Variants in CTNNA1 observed in about 807,000 individuals in gnomAD.
CTNNA1 encodes catenin alpha 1.
CTNNA1 carries 37 observed loss-of-function variants against 98.4 expected under a neutral mutation model. The observed-to-expected ratio is 0.38, with a 90% CI of 0.29 to 0.49. The LOEUF (loss-of-function observed/expected upper bound fraction) is 0.49. Ranked by LOEUF, CTNNA1 falls within the 20% of genes least tolerant of loss-of-function variation. The pLI is 0.95. For missense variants in CTNNA1, 761 were observed against 1,147.2 expected, an observed-to-expected ratio of 0.66 and a Z score of 4.86; for synonymous variants, 404 against 413.2, an observed-to-expected ratio of 0.98 and a Z score of 0.27.
chr5:138,769,940 G>A (rs755484930), intron 1 of CTNNA1, among the ~76,000 whole-genome samples: 1 of 151,940 alleles, frequency 6.6e-6, no homozygotes, highest in Non-Finnish European at 1.5e-5. Flanking sequence ...TCTGCTTCTT[G>A]GGTTCAAGCG....
At chr5:138,828,428 A>G (rs115745163) in intron 7 of CTNNA1, among the ~76,000 whole-genome samples, 1,778 of 152,066 alleles carry the variant, frequency 0.012, 29 homozygotes, top group African/African-American at 0.041. Flanking sequence ...CTGTTGCCAT[A>G]TGTCTTTCTT....
At chr5:138,906,967 C>T (rs1388288570) in intron 10 of CTNNA1, among the ~76,000 whole-genome samples, 1 of 152,146 alleles carries the variant, frequency 6.6e-6, no homozygotes, top group Non-Finnish European at 1.5e-5. Flanking sequence ...TTTGACTTCA[C>T]CCCAGCCCCG....
chr5:138,831,917 AATAGTGTG>A lies in CTNNA1; in HGVS notation c.1062+4200_1062+4207del, dbSNP rs1761311017. 2.0e-5 allele frequency among the ~76,000 whole-genome samples: 3 copies of A among 152,320 alleles called. No homozygotes were observed. The South Asian group carries it at 6.2e-4, about 32-fold the overall frequency. On this transcript the variant is annotated intron_variant, in intron 7 of 17. Coordinates refer to ENST00000302763, the MANE Select transcript of CTNNA1 (RefSeq NM_001903.5). ...TGGATTTTCATGGTGCTAAGGAGGT[AATAGTGTG>A]GTGGAAAAAACCAAAGACCTTTACC... is the stretch of plus-strand genomic sequence containing the variant.
At chr5:138,809,441 G>T (rs1758444698) in intron 3 of CTNNA1, among the ~76,000 whole-genome samples, 1 of 152,028 alleles carries the variant, frequency 6.6e-6, no homozygotes, top group Non-Finnish European at 1.5e-5. Context: ...TTTCATAATA[G>T]TCAATTGTAG....
At chr5:138,897,937 C>T (rs1278572960) in intron 9 of CTNNA1, among the ~76,000 whole-genome samples, 1 of 152,198 alleles carries the variant, frequency 6.6e-6, no homozygotes, top group Non-Finnish European at 1.5e-5. Flanking sequence ...CTCTGCCCAA[C>T]CTTTGCTCTG....
chr5:138,880,139 AAATAACAG>A (rs1186377873), intron 7 of CTNNA1: 1 of 152,218 alleles, frequency 6.6e-6, no homozygotes, highest in Non-Finnish European at 1.5e-5. Context: ...ATCAAAACAA[AAATAACAG>A]ACTCTATCTT....
At chr5:138,788,268 G>A (rs1471398949) in intron 3 of CTNNA1, among the ~76,000 whole-genome samples, 2 of 152,084 alleles carry the variant, frequency 1.3e-5, no homozygotes, top group Non-Finnish European at 2.9e-5. Flanking sequence ...TACCTGGTCC[G>A]TGATAGGCAC....
At chr5:138,818,950 A>G (rs1410991062) in intron 5 of CTNNA1, among the ~76,000 whole-genome samples, 1 of 151,976 alleles carries the variant, frequency 6.6e-6, no homozygotes, top group Non-Finnish European at 1.5e-5. Context: ...GCAGAGTTGG[A>G]TGTCAGTTGC....
Position 138,783,331 on chromosome 5 carries a change from A to G in CTNNA1, c.260A>G (p.Lys87Arg). The change falls in exon 3 of 18, where the codon AAG becomes AGG. Residue 87 changes from lysine (K) to arginine (R), a missense_variant. Transcript: ENST00000302763. The part of the protein sequence containing the change: ...DKIAKESQFL[K>R]EELVAAVEDV... ...ATTGCGAAGGAGAGCCAGTTTCTCA[A>G]GGAGGAGCTTGTGGCTGCTGTAGAA... The G allele has an allele frequency of 6.2e-7, 1 of 1,614,098 alleles. No homozygotes were observed.
At chr5:138,828,761 T>C (rs570330887) in intron 7 of CTNNA1, among the ~76,000 whole-genome samples, 2 of 152,226 alleles carry the variant, frequency 1.3e-5, no homozygotes, top group Non-Finnish European at 2.9e-5. Flanking sequence ...AGGGTGAAGA[T>C]GAATGCCTTC....
At chr5:138,818,015 T>TGCGCCCCC (rs1247593596) in intron 5 of CTNNA1, among the ~76,000 whole-genome samples, 1 of 152,008 alleles carries the variant, frequency 6.6e-6, no homozygotes, top group Non-Finnish European at 1.5e-5. Context: ...GCCCCGTCCC[T>TGCGCCCCC]GCGCCCCCGC....
At chr5:138,764,297 C>T (rs1312827064) in intron 1 of CTNNA1, among the ~76,000 whole-genome samples, 5 of 150,594 alleles carry the variant, frequency 3.3e-5, no homozygotes, top group Admixed American at 2.6e-4. Flanking sequence ...ACCTGGAAGG[C>T]GGAGGTTGCA....
intron 1 of CTNNA1, among the ~76,000 whole-genome samples, chr5:138,780,862 A>T (rs569475002): frequency 2.6e-5 from 4 of 152,286 alleles, no homozygotes; most frequent in African/African-American, 9.6e-5. Flanking sequence ...TAGAAAGTTT[A>T]TATTAGTGTT....
At chr5:138,927,577 G>GGT (rs1261268974) in intron 13 of CTNNA1, among the ~76,000 whole-genome samples, 1 of 149,902 alleles carries the variant, frequency 6.7e-6, no homozygotes, top group East Asian at 2.0e-4. Context: ...TCATAGCACT[G>GGT]GTCACTTTTG....
In CTNNA1 at chr5:138,928,790, C is replaced by T. The variant is rs145146065; in HGVS notation, c.1900-456C>T. 3.5e-3 allele frequency among the ~76,000 whole-genome samples: 535 copies of T among 152,214 alleles called. 2 individuals are homozygous for T. Among genetic ancestry groups the T allele is most frequent in the African/African-American group, 0.011 (457 of 41,524 alleles). On this transcript the variant is annotated intron_variant, in intron 13 of 17. Transcript: ENST00000302763. ...CTCTACTAAAAATACAAAAATTAGC[C>T]GGGCATGGTGGCATGTTGCCTCTAA...
chr5:138,925,298 C>A lies in CTNNA1; in HGVS notation c.1790C>A (p.Ala597Asp). 1 of 1,614,100 alleles carries A rather than the reference C, an allele frequency of 6.2e-7. No homozygotes were observed. The highest frequency in any genetic ancestry group is 8.5e-7 in the Non-Finnish European group (1 of 1,180,032). ...GAGCAAGTAGAAGCAGCCGTGGAAGCCCTCAGCTCGGACCCTGCCCAGCCC... is the reference window on the plus strand; with the variant it reads ...GAGCAAGTAGAAGCAGCCGTGGAAGACCTCAGCTCGGACCCTGCCCAGCCC... ...FTEQVEAAVE[A>D]LSSDPAQPMD... is the part of the protein sequence containing the mutation. The change falls in exon 13 of 18, where the codon GCC (alanine) becomes GAC (aspartate). Residue 597 changes from alanine to aspartate, a missense_variant. Physicochemically the swap from Ala to Asp is moderately radical, Grantham distance 126. Coordinates refer to ENST00000302763, the MANE Select transcript of CTNNA1 (RefSeq NM_001903.5).
At chr5:138,860,941 C>T (rs1764215137) in intron 7 of CTNNA1, among the ~76,000 whole-genome samples, 1 of 152,138 alleles carries the variant, frequency 6.6e-6, no homozygotes, top group South Asian at 2.1e-4. Flanking sequence ...TATTCTTCTT[C>T]TCTTTCCCAC....
chr5:138,825,149 A>G (rs1760517736), intron 6 of CTNNA1, among the ~76,000 whole-genome samples: 1 of 152,158 alleles, frequency 6.6e-6, no homozygotes, highest in Admixed American at 6.5e-5. Context: ...AAGTACACGT[A>G]GGGTCAGCCC....
chr5:138,886,372 C>T (rs1308565492), intron 8 of CTNNA1, 80 bp downstream of exon 8: 2 of 1,398,622 alleles, frequency 1.4e-6, no homozygotes, highest in East Asian at 4.9e-5. Flanking sequence ...AAGCACTGGC[C>T]TTATATTTTT....
Sources: allele counts gnomAD v4.1 joint callset (sites outside exome capture counted in the v4.1 genomes callset), GRCh38; gene constraint gnomAD v4.1.1; transcripts MANE v1.5; gene names NCBI Gene and HGNC (gene_info 2026-07-23, HGNC 2026-07-21).